Variants in AKAP7 observed in about 807,000 individuals in gnomAD.
AKAP7 encodes the protein A kinase (PRKA) anchor protein 7.
In AKAP7, 39 loss-of-function variants were observed where a neutral mutation model predicts 39.5. The observed-to-expected ratio is 0.99, with a 90% CI of 0.76 to 1.29. AKAP7 has a LOEUF of 1.29. Ranked by LOEUF, AKAP7 falls within the 50% of genes most tolerant of loss-of-function variation. AKAP7 has a pLI of 0.00. For synonymous variants in AKAP7, 140 were observed against 139.1 expected, an observed-to-expected ratio of 1.01 and a Z score of -0.05; for missense variants, 414 against 407.7, an observed-to-expected ratio of 1.02 and a Z score of -0.13.
rs571890399 is a variant in AKAP7, at chr6:131,135,639, G to C, written c.-125G>C. The C allele has an allele frequency of 7.9e-4, 677 of 854,056 alleles. 4 individuals are homozygous for C. The African/African-American group carries it at 0.012, about 15-fold the overall frequency. The allele number at this position is 854,056 out of a possible 1,614,324, so 52.9% of individuals were successfully genotyped here. On this transcript the variant is annotated 5_prime_UTR_variant, in exon 1 of 8. Coordinates refer to ENST00000431975, the MANE Select transcript of AKAP7 (RefSeq NM_016377.4). ...TGTCGCTGGACCCCGCGCCGGCCCA[G>C]CGCACCGCCCTCAGGCCCCGAGCCC... is the stretch of plus-strand genomic sequence containing the variant.
chr6:131,266,454 GT>G (rs895447052), intron 7 of AKAP7, among the ~76,000 whole-genome samples: 1 of 152,166 alleles, frequency 6.6e-6, no homozygotes, highest in African/African-American at 2.4e-5. Flanking sequence ...TTAAATGCTA[GT>G]TCCATTTCCT....
intron 1 of AKAP7, among the ~76,000 whole-genome samples, chr6:131,143,430 T>C (rs181607425): frequency 6.6e-6 from 1 of 152,302 alleles, no homozygotes; most frequent in Non-Finnish European, 1.5e-5. Flanking sequence ...GCTGTTTTTC[T>C]TGACGTGTGA....
upstream of AKAP7, among the ~76,000 whole-genome samples, chr6:131,135,258 C>A (rs1226335852): frequency 6.6e-6 from 1 of 152,236 alleles, no homozygotes; most frequent in Non-Finnish European, 1.5e-5. Context: ...CAAGGCTGCG[C>A]CACGGGAAAT....
At chr6:131,235,006 T>C (rs1019806624) in intron 7 of AKAP7, among the ~76,000 whole-genome samples, 1 of 152,144 alleles carries the variant, frequency 6.6e-6, no homozygotes, top group Non-Finnish European at 1.5e-5. Flanking sequence ...GCTGCACCCA[T>C]TAACTCTTCA....
intron 5 of AKAP7, among the ~76,000 whole-genome samples, chr6:131,173,093 C>G (rs2081418197): frequency 6.7e-6 from 1 of 149,288 alleles, no homozygotes; most frequent in South Asian, 2.1e-4. Context: ...CCCAGCTACT[C>G]AAGAGGCCGA....
chr6:131,145,313 T>G lies in AKAP7; in HGVS notation c.48T>G (p.Asn16Lys). The stretch of plus-strand genomic sequence containing the variant: ...GAATTAATTCCAATGAGTGTGAAAA[T>G]GTATCAAGAAAAAAGAAAATGTCAG... ...AGGINSNECENVSRKKKMSEE... is the reference protein window; with the variant it reads ...AGGINSNECEKVSRKKKMSEE... Residue 16 changes from asparagine to lysine, a missense_variant, in exon 2 of 8, where the codon AAT becomes AAG. Asn to Lys is a moderately conservative substitution (Grantham distance 94). Coordinates refer to ENST00000431975, the MANE Select transcript of AKAP7 (RefSeq NM_016377.4). The G allele has an allele frequency of 6.5e-7, 1 of 1,542,900 alleles. No homozygotes were observed. Among genetic ancestry groups the G allele is most frequent in the Non-Finnish European group, 8.8e-7 (1 of 1,139,026 alleles).
At chr6:131,153,258 A>G (rs955703401) in intron 2 of AKAP7, among the ~76,000 whole-genome samples, 1 of 152,242 alleles carries the variant, frequency 6.6e-6, no homozygotes, top group African/African-American at 2.4e-5. Flanking sequence ...AGCAATAAAT[A>G]CAGGATTCCT....
At chr6:131,161,644 CAAAAAAAAAAAAAAAAAAAAAAAAA>C (rs55744190) in intron 3 of AKAP7, among the ~76,000 whole-genome samples, 4 of 33,620 alleles carry the variant, frequency 1.2e-4, no homozygotes, top group African/African-American at 3.2e-4. Context: ...GACTGTATCT[CAAAAAAAAAAAAAAAAAAAAAAAAA>C]AAAAAAAAAA....
chr6:131,160,198 G>A lies in AKAP7; in HGVS notation c.291G>A (p.Glu97=). ...TGTCCATTCCAATCACCAACAAAGA[G>A]GTGCTATTTTTAAAAAGTTATTTTT... ...YFLSIPITNK[E]IIKGIKILQN... is the part of the protein sequence containing the mutation. The change falls in exon 3 of 8, where the codon GAG becomes GAA. Residue 97 remains glutamate, a splice_region_variant and synonymous_variant. Coordinates refer to ENST00000431975, the MANE Select transcript of AKAP7 (RefSeq NM_016377.4). 2 of 1,595,342 alleles carry A rather than the reference G, an allele frequency of 1.3e-6. No individual in the cohort carries two copies. Among genetic ancestry groups the A allele is most frequent in the Non-Finnish European group, 1.7e-6 (2 of 1,175,876 alleles).
intron 7 of AKAP7, among the ~76,000 whole-genome samples, chr6:131,241,606 T>TATATATATAC (rs1562238020): frequency 1.4e-4 from 20 of 139,470 alleles, no homozygotes; most frequent in African/African-American, 1.9e-4. Context: ...TGTGTGTGTG[T>TATATATATAC]GTGTGTGTGT....
chr6:131,218,581 T>G lies in AKAP7; in HGVS notation c.703-1080T>G, dbSNP rs1444158638. Among the ~76,000 whole-genome samples the G allele has an allele frequency of 2.6e-5, 4 of 152,210 alleles. 1 individual carries two copies. Among genetic ancestry groups the G allele is most frequent in the Non-Finnish European group, 5.9e-5 (4 of 68,032 alleles). ...TGTCATTGAAAAGAGAAAATATATA[T>G]TCTAGTTACTTTAATCTTATGGACT... On this transcript the variant is annotated intron_variant, in intron 6 of 7. Transcript: ENST00000431975.
chr6:131,253,545 A>G (rs1307161021), intron 7 of AKAP7, among the ~76,000 whole-genome samples: 2 of 152,172 alleles, frequency 1.3e-5, no homozygotes, highest in Non-Finnish European at 2.9e-5. Context: ...CAAACATTAG[A>G]ACCAATTCCT....
intron 7 of AKAP7, among the ~76,000 whole-genome samples, chr6:131,226,809 C>G (rs1810205942): frequency 6.6e-6 from 1 of 152,172 alleles, no homozygotes; most frequent in Admixed American, 6.6e-5. Context: ...ATAACTTCTG[C>G]AAGCAGAGGT....
chr6:131,196,133 T>G (rs1806903631), intron 5 of AKAP7, among the ~76,000 whole-genome samples: 1 of 152,080 alleles, frequency 6.6e-6, no homozygotes, highest in Non-Finnish European at 1.5e-5. Context: ...CTTCATTGTT[T>G]TATATTCTTT....
intron 5 of AKAP7, among the ~76,000 whole-genome samples, chr6:131,190,572 G>T (rs777230464): frequency 1.5e-4 from 23 of 151,860 alleles, no homozygotes; most frequent in Non-Finnish European, 2.5e-4. Context: ...AACTTGGGAG[G>T]TGGTGGAGGT....
At chr6:131,199,163 A>G (rs1238523629) in intron 5 of AKAP7, among the ~76,000 whole-genome samples, 1 of 152,188 alleles carries the variant, frequency 6.6e-6, no homozygotes, top group African/African-American at 2.4e-5. Flanking sequence ...TTCTGTGAAA[A>G]TCAGCATCAT....
chr6:131,230,753 TA>T (rs1810561599), intron 7 of AKAP7, among the ~76,000 whole-genome samples: 1 of 152,146 alleles, frequency 6.6e-6, no homozygotes, highest in East Asian at 1.9e-4. Flanking sequence ...AAAGATCCAT[TA>T]AAAATTCAAG....
At chr6:131,137,799 T>C (rs562102004) in intron 1 of AKAP7, 3 of 152,342 alleles carry the variant, frequency 2.0e-5, no homozygotes, top group African/African-American at 4.8e-5. Context: ...TTTTCTTAGG[T>C]AATATTCAAT....
intron 7 of AKAP7, among the ~76,000 whole-genome samples, chr6:131,266,812 A>G (rs1326016732): frequency 6.6e-6 from 1 of 152,104 alleles, no homozygotes; most frequent in Non-Finnish European, 1.5e-5. Flanking sequence ...TGATTAATCA[A>G]CTTATCTTCA....
Sources: allele counts gnomAD v4.1 joint callset (sites outside exome capture counted in the v4.1 genomes callset), GRCh38; gene constraint gnomAD v4.1.1; transcripts MANE v1.5; gene names NCBI Gene and HGNC (gene_info 2026-07-23, HGNC 2026-07-21).